The following YTHDF3 variants were observed in gnomAD, a reference collection of about 807,000 sequenced individuals.
The protein encoded by YTHDF3 is YTH N6-methyladenosine RNA binding protein F3.
YTHDF3 carries 9 observed loss-of-function variants against 52.5 expected under a neutral mutation model. The ratio of observed to expected loss-of-function variants is 0.17; its 90% CI spans 0.10 to 0.30. The LOEUF is 0.30. YTHDF3 is among the 10% of genes least tolerant of loss of function. The pLI is 1.00. For synonymous variants in YTHDF3, 274 were observed against 243.3 expected (o/e 1.13, Z -1.18); for missense variants, 534 against 715.0 (o/e 0.75, Z 2.89).
intron 4 of YTHDF3, among the ~76,000 whole-genome samples, chr8:63,199,862 C>T (rs185374129): frequency 6.6e-6 from 1 of 152,128 alleles, no homozygotes; most frequent in Admixed American, 6.5e-5. Context: ...TATCACAGCT[C>T]CATTCTCTGT....
Position 63,168,791 on chromosome 8 carries a change from G to C in YTHDF3, c.-87G>C, listed in dbSNP as rs1807064124. On this transcript the variant is annotated 5_prime_UTR_variant, in exon 1 of 5. Coordinates refer to ENST00000539294, the MANE Select transcript of YTHDF3 (RefSeq NM_152758.6). ...GCGGCGGCGGCTGGAACAATCACTC[G>C]GCCAAGGGCGACAGCCAACTGCTGT... The C allele has an allele frequency of 1.9e-6, 3 of 1,548,564 alleles. No individual in the cohort carries two copies. In the Admixed American group the frequency reaches 5.9e-5, roughly 30 times the overall value.
chr8:63,194,691 A>G (rs191889949), intron 4 of YTHDF3, among the ~76,000 whole-genome samples: 20 of 152,302 alleles, frequency 1.3e-4, no homozygotes, highest in African/African-American at 4.6e-4. Context: ...ATTATCTTGC[A>G]TAACCACAAT....
intron 4 of YTHDF3, among the ~76,000 whole-genome samples, chr8:63,197,816 A>G (rs926017470): frequency 6.6e-6 from 1 of 152,224 alleles, no homozygotes. Flanking sequence ...TTTGTCCAGT[A>G]TAAATTCAAA....
At chr8:63,170,947 AGAT>A (rs1807282981) in intron 2 of YTHDF3, among the ~76,000 whole-genome samples, 4 of 152,110 alleles carry the variant, frequency 2.6e-5, no homozygotes, top group African/African-American at 9.6e-5. Flanking sequence ...CTTTGATATT[AGAT>A]ATGAGTTGAG....
At position 63,187,754 on chromosome 8, in the gene YTHDF3, A is replaced by G. The variant is rs377061459; in HGVS notation, c.1734+9A>G. On this transcript the variant is annotated intron_variant, in intron 4 of 4. Transcript: ENST00000539294. ...AGGAAGCCATGCGTAGGGTAAGAAT[A>G]TAGTAATTTTTTGTTTGGGGTCTTT... 13 of 1,575,896 alleles carry G rather than the reference A, an allele frequency of 8.2e-6. No individual in the cohort carries two copies. In the African/African-American group the frequency reaches 1.1e-4, roughly 13 times the overall value.
chr8:63,198,256 C>G (rs530007038), intron 4 of YTHDF3, among the ~76,000 whole-genome samples: 1 of 151,968 alleles, frequency 6.6e-6, no homozygotes, highest in Non-Finnish European at 1.5e-5. Flanking sequence ...TCCCTCCCCA[C>G]TCCCCCACCT....
chr8:63,189,219 T>C (rs189006847), intron 4 of YTHDF3, among the ~76,000 whole-genome samples: 25 of 152,300 alleles, frequency 1.6e-4, no homozygotes, highest in Admixed American at 1.4e-3. Context: ...TTTTTAAAAA[T>C]ATCCTATTGA....
At chr8:63,185,234 TTAAAG>T (rs1372564625) in intron 3 of YTHDF3, among the ~76,000 whole-genome samples, 4 of 152,126 alleles carry the variant, frequency 2.6e-5, no homozygotes, top group Non-Finnish European at 5.9e-5. Context: ...TTAAAATACT[TTAAAG>T]TATTTTATTT....
rs1810321501 is a variant in YTHDF3 at position 63,210,619 on chromosome 8, A to C, written c.*913A>C. ...CTCTAGGTATTCACTAGCTAAATAA[A>C]CATAGTTCTTGTTTAGCAAGCATAT... On this transcript the variant is annotated 3_prime_UTR_variant, in exon 5 of 5. Coordinates refer to ENST00000539294, the MANE Select transcript of YTHDF3 (RefSeq NM_152758.6). 1 of 152,590 alleles carries C rather than the reference A, an allele frequency of 6.6e-6. No homozygotes were observed. Among genetic ancestry groups the C allele is most frequent in the African/African-American group, 2.4e-5 (1 of 41,448 alleles). The allele number at this position is 152,590 out of a possible 1,614,324, so 9.5% of individuals were successfully genotyped here.
intron 4 of YTHDF3, among the ~76,000 whole-genome samples, chr8:63,207,372 A>T (rs1280506113): frequency 6.6e-6 from 1 of 152,114 alleles, no homozygotes; most frequent in Non-Finnish European, 1.5e-5. Context: ...CTTTGCCGGT[A>T]TCTGGTGGTT....
At chr8:63,169,792 C>A (rs1219650411) in intron 2 of YTHDF3, among the ~76,000 whole-genome samples, 3 of 152,168 alleles carry the variant, frequency 2.0e-5, no homozygotes, top group African/African-American at 7.2e-5. Context: ...CTGGATTACA[C>A]TGGAAAATGG....
intron 2 of YTHDF3, among the ~76,000 whole-genome samples, chr8:63,173,206 A>ATATATATATATATATATATATATC (rs1264719044): frequency 5.5e-5 from 8 of 145,390 alleles, no homozygotes; most frequent in African/African-American, 2.2e-4. Flanking sequence ...TTATATTTAT[A>ATATATATATATATATATATATATC]TATATATACA....
At chr8:63,209,242 T>A (rs1366411839) in intron 4 of YTHDF3, among the ~76,000 whole-genome samples, 1 of 152,222 alleles carries the variant, frequency 6.6e-6, no homozygotes, top group Non-Finnish European at 1.5e-5. Flanking sequence ...TCTTTGTGAT[T>A]TAAAGTTTTT....
intron 2 of YTHDF3, among the ~76,000 whole-genome samples, chr8:63,170,818 C>T (rs1807274529): frequency 6.6e-6 from 1 of 152,076 alleles, no homozygotes; most frequent in Admixed American, 6.5e-5. Context: ...AAGGTAAGTA[C>T]ACAAGTTCTA....
intron 4 of YTHDF3, among the ~76,000 whole-genome samples, chr8:63,194,515 A>G (rs1360766816): frequency 6.6e-6 from 1 of 152,138 alleles, no homozygotes; most frequent in Non-Finnish European, 1.5e-5. Flanking sequence ...AAAAAAATAA[A>G]TAAATTTTGG....
At chr8:63,198,915 GC>G (rs1276741647) in intron 4 of YTHDF3, among the ~76,000 whole-genome samples, 2 of 151,934 alleles carry the variant, frequency 1.3e-5, no homozygotes, top group Non-Finnish European at 2.9e-5. Flanking sequence ...GTAAAGTTGG[GC>G]CCAGTATGTA....
In YTHDF3 at chr8:63,186,535, A is replaced by G. The variant is rs573898918; in HGVS notation, c.524A>G (p.Asn175Ser). Residue 175 changes from asparagine to serine, a missense_variant, in exon 4 of 5, where the codon AAT becomes AGT. Coordinates refer to ENST00000539294, the MANE Select transcript of YTHDF3 (RefSeq NM_152758.6). ...AITDGQAGFG[N>S]DTLSKVPGIS... ...ACTGATGGACAGGCTGGATTTGGCAATGATACTTTGAGTAAGGTGCCTGGC... is the reference window on the plus strand; with the variant it reads ...ACTGATGGACAGGCTGGATTTGGCAGTGATACTTTGAGTAAGGTGCCTGGC... 41 of 1,614,018 alleles carry G rather than the reference A, an allele frequency of 2.5e-5. No individual in the cohort carries two copies. The East Asian group carries it at 5.6e-4, about 22-fold the overall frequency.
chr8:63,173,001 G>A (rs1375525265), intron 2 of YTHDF3, among the ~76,000 whole-genome samples: 1 of 151,334 alleles, frequency 6.6e-6, no homozygotes, highest in African/African-American at 2.4e-5. Flanking sequence ...ATTGCTTCTC[G>A]GTATATGTGA....
chr8:63,199,590 A>G (rs1382157221), intron 4 of YTHDF3, among the ~76,000 whole-genome samples: 1 of 152,210 alleles, frequency 6.6e-6, no homozygotes, highest in Non-Finnish European at 1.5e-5. Flanking sequence ...TTATTGAATT[A>G]TTCCTGTTTA....
Sources: allele counts gnomAD v4.1 joint callset (sites outside exome capture counted in the v4.1 genomes callset), GRCh38; gene constraint gnomAD v4.1.1; transcripts MANE v1.5; gene names NCBI Gene and HGNC (gene_info 2026-07-23, HGNC 2026-07-21).